Variants in HMCN1 observed in about 807,000 individuals in gnomAD.
The protein encoded by HMCN1 is hemicentin-1.
A neutral mutation model predicts 625.9 loss-of-function variants in HMCN1; 321 were observed. That is an observed-to-expected ratio of 0.51 (90% CI 0.47 to 0.56). The LOEUF (loss-of-function observed/expected upper bound fraction) is 0.56. Among genes scored for constraint, HMCN1 ranks in the 20% least tolerant of loss-of-function variants. HMCN1 has a pLI of 0.00. For synonymous variants in HMCN1, 2,425 were observed against 2,417.6 expected (o/e 1.00, Z -0.09); for missense variants, 6,588 against 6,887.3 (o/e 0.96, Z 1.54).
intron 97 of HMCN1, among the ~76,000 whole-genome samples, chr1:186,164,533 A>G (rs1651752217): frequency 6.6e-6 from 1 of 152,092 alleles, no homozygotes; most frequent in South Asian, 2.1e-4. Context: ...ATGAGCCACC[A>G]TGCCCGGCTA....
At chr1:185,807,462 C>G (rs1659239908) in intron 1 of HMCN1, among the ~76,000 whole-genome samples, 1 of 152,182 alleles carries the variant, frequency 6.6e-6, no homozygotes, top group African/African-American at 2.4e-5. Context: ...AGAACACATT[C>G]ATACATATTC....
chr1:186,119,681 C>A, intron 78 of HMCN1, 64 bp from the exon 79 acceptor site: 2 of 1,524,280 alleles, frequency 1.3e-6, no homozygotes, highest in South Asian at 2.3e-5. Context: ...AAGCTCATTA[C>A]TACAATAGAC....
At chr1:186,155,487 T>TA (rs529229441) in intron 97 of HMCN1, among the ~76,000 whole-genome samples, 236 of 152,216 alleles carry the variant, frequency 1.6e-3, no homozygotes, top group African/African-American at 5.4e-3. Context: ...CCATCTAATT[T>TA]AAAAAAAGAT....
chr1:186,035,772 C>T lies in HMCN1; in HGVS notation c.5750-2162C>T, dbSNP rs548786434. ...AAATACTTTATTGGCATTTCATGGGCTAATATCTCATTTTGAAAACATTCC... is the reference window on the plus strand; with the variant it reads ...AAATACTTTATTGGCATTTCATGGGTTAATATCTCATTTTGAAAACATTCC... On this transcript the variant is annotated intron_variant, in intron 36 of 106. Coordinates refer to ENST00000271588, the MANE Select transcript of HMCN1 (RefSeq NM_031935.3). 2.2e-4 allele frequency among the ~76,000 whole-genome samples: 33 copies of T among 152,170 alleles called. 1 individual carries two copies. The highest frequency in any genetic ancestry group is 7.5e-4 in the African/African-American group (31 of 41,550).
chr1:185,763,023 G>A (rs1421722665), intron 1 of HMCN1, among the ~76,000 whole-genome samples: 1 of 152,180 alleles, frequency 6.6e-6, no homozygotes, highest in Non-Finnish European at 1.5e-5. Context: ...AGGGGCGTGA[G>A]AAGAACGGAG....
At chr1:185,798,007 A>ATACTTTT (rs1658523621) in intron 1 of HMCN1, among the ~76,000 whole-genome samples, 1 of 114,412 alleles carries the variant, frequency 8.7e-6, no homozygotes. Flanking sequence ...GACTTGTTTT[A>ATACTTTT]TACTTTTATG....
chr1:185,815,223 A>C (rs1473929417), intron 1 of HMCN1, among the ~76,000 whole-genome samples: 1 of 150,260 alleles, frequency 6.7e-6, no homozygotes, highest in Non-Finnish European at 1.5e-5. Context: ...AACTTTTAAA[A>C]CATATTGTTT....
chr1:185,755,936 G>A (rs1655107312), intron 1 of HMCN1, among the ~76,000 whole-genome samples: 1 of 152,078 alleles, frequency 6.6e-6, no homozygotes, highest in Non-Finnish European at 1.5e-5. Flanking sequence ...AGGCTGGAGT[G>A]CAGTGGCTGT....
chr1:185,803,465 T>A (rs1312720498), intron 1 of HMCN1, among the ~76,000 whole-genome samples: 1 of 152,034 alleles, frequency 6.6e-6, no homozygotes, highest in Non-Finnish European at 1.5e-5. Flanking sequence ...GATCCATTAT[T>A]TTTTCTTCAA....
At chr1:186,035,948 G>A (rs556523696) in intron 36 of HMCN1, among the ~76,000 whole-genome samples, 1 of 152,144 alleles carries the variant, frequency 6.6e-6, no homozygotes, top group African/African-American at 2.4e-5. Context: ...CAATTTCTGA[G>A]GAGGACATAT....
At chr1:185,809,543 C>A (rs970148681) in intron 1 of HMCN1, among the ~76,000 whole-genome samples, 1 of 151,566 alleles carries the variant, frequency 6.6e-6, no homozygotes, top group East Asian at 1.9e-4. Context: ...TTCTGAAATT[C>A]CTACTGTGCA....
chr1:185,827,231 A>C (rs1660582360), intron 1 of HMCN1, among the ~76,000 whole-genome samples: 1 of 151,582 alleles, frequency 6.6e-6, no homozygotes, highest in Admixed American at 6.6e-5. Context: ...GAAGAGGGAA[A>C]CCAAAAGCTC....
Position 186,019,475 on chromosome 1 carries a change from T to C in HMCN1, c.5471-66T>C, listed in dbSNP as rs1654574434. On this transcript the variant is annotated intron_variant, in intron 34 of 106. Transcript: ENST00000271588. ...AATTTTAAGGTTTCAGGTTCTTGCA[T>C]ACATATTTTTAAGTTCGACCTCACT... The C allele has an allele frequency of 1.3e-5, 15 of 1,147,412 alleles. No individual in the cohort carries two copies. The Admixed American group carries it at 2.4e-4, about 18-fold the overall frequency. The allele number at this position is 1,147,412 out of a possible 1,614,324, so 71.1% of individuals were successfully genotyped here.
intron 32 of HMCN1, 112 bp downstream of exon 32, chr1:186,016,351 C>A: frequency 2.0e-6 from 2 of 1,023,344 alleles, no homozygotes; most frequent in South Asian, 1.6e-5. Context: ...AAGGTATAGT[C>A]CTCTGTGCAA....
Position 186,128,122 on chromosome 1 carries a change from A to T in HMCN1, c.12735A>T (p.Ala4245=), listed in dbSNP as rs886661547. The change falls in exon 83 of 107, where the codon GCA becomes GCT. Residue 4245 remains alanine, a synonymous_variant. Transcript: ENST00000271588. The part of the protein sequence containing the change: ...GFYTCVANNA[A]GEDTHTVSLT... ...ATACCTGTGTTGCTAACAATGCTGCAGGTGAAGATACACACACTGTCAGCC... is the reference window on the plus strand; with the variant it reads ...ATACCTGTGTTGCTAACAATGCTGCTGGTGAAGATACACACACTGTCAGCC... 6.8e-6 allele frequency: 11 copies of T among 1,613,664 alleles called. No individual in the cohort carries two copies. Among genetic ancestry groups the T allele is most frequent in the African/African-American group, 1.3e-5 (1 of 75,016 alleles).
chr1:185,986,526 A>G (rs1364319358), intron 19 of HMCN1, among the ~76,000 whole-genome samples: 1 of 152,108 alleles, frequency 6.6e-6, no homozygotes, highest in Non-Finnish European at 1.5e-5. Flanking sequence ...TCGAGTATTG[A>G]TGATTTCTGT....
At chr1:186,135,261 A>G (rs1364946791) in intron 86 of HMCN1, among the ~76,000 whole-genome samples, 4 of 151,788 alleles carry the variant, frequency 2.6e-5, no homozygotes, top group African/African-American at 9.7e-5. Context: ...CACTGTTAAT[A>G]TCTCCCTCCT....
At chr1:185,805,724 C>T (rs562054868) in intron 1 of HMCN1, among the ~76,000 whole-genome samples, 59 of 152,270 alleles carry the variant, frequency 3.9e-4, no homozygotes, top group African/African-American at 1.4e-3. Flanking sequence ...CACTGCCTCT[C>T]TCTACTGCGT....
intron 103 of HMCN1, among the ~76,000 whole-genome samples, chr1:186,174,955 C>G (rs1652470479): frequency 6.6e-6 from 1 of 152,154 alleles, no homozygotes; most frequent in South Asian, 2.1e-4. Flanking sequence ...TTGATTATAT[C>G]TCTATGCACA....
Sources: allele counts gnomAD v4.1 joint callset (sites outside exome capture counted in the v4.1 genomes callset), GRCh38; gene constraint gnomAD v4.1.1; transcripts MANE v1.5; gene names NCBI Gene and HGNC (gene_info 2026-07-23, HGNC 2026-07-21).